The following DEPDC1 variants were observed in gnomAD, a reference collection of about 807,000 sequenced individuals.
DEPDC1 encodes DEP domain-containing protein 1A.
In DEPDC1, 66 loss-of-function variants were observed where a neutral mutation model predicts 86.8. That is an observed-to-expected ratio of 0.76 (90% CI 0.62 to 0.93). DEPDC1 has a LOEUF of 0.93. Among genes scored for constraint, DEPDC1 ranks in the 40% least tolerant of loss-of-function variants. The pLI is 0.00. For missense variants in DEPDC1, 792 were observed against 935.7 expected, an observed-to-expected ratio of 0.85 and a Z score of 2.00; for synonymous variants, 255 against 314.9, an observed-to-expected ratio of 0.81 and a Z score of 2.02.
intron 11 of DEPDC1, 134 bp from the exon 12 acceptor site, chr1:68,477,203 T>A: frequency 3.1e-6 from 2 of 636,158 alleles, no homozygotes; most frequent in Non-Finnish European, 5.0e-6. Flanking sequence ...CATTTTATCC[T>A]TGCCTTTCCC....
Position 68,476,563 on chromosome 1 carries a change from A to G in DEPDC1, c.*369T>C, listed in dbSNP as rs1178341610. ...CCCCAAACAACTAATTCATTAGCTA[A>G]TATCTCAGAACTTGCACATTTGCAG... On this transcript the variant is annotated 3_prime_UTR_variant, in exon 12 of 12. Transcript: ENST00000456315. The G allele has an allele frequency of 6.4e-6, 1 of 156,994 alleles. No individual in the cohort carries two copies. The allele number at this position is 156,994 out of a possible 1,614,324, so 9.7% of individuals were successfully genotyped here. A position where few individuals can be genotyped will look rare whatever the true frequency, so the allele number is the denominator to read the frequency against.
At chr1:68,495,983 T>C (rs1321805735) in intron 1 of DEPDC1, among the ~76,000 whole-genome samples, 1 of 152,196 alleles carries the variant, frequency 6.6e-6, no homozygotes, top group Non-Finnish European at 1.5e-5. Context: ...CTATCCTTCA[T>C]ATTGGTAAAT....
chr1:68,495,055 T>TCA (rs1646256012), intron 1 of DEPDC1, among the ~76,000 whole-genome samples: 3 of 152,012 alleles, frequency 2.0e-5, no homozygotes, highest in Non-Finnish European at 4.4e-5. Flanking sequence ...GTCAGGAGAA[T>TCA]CACTTGAACC....
chr1:68,482,124 T>C lies in DEPDC1; in HGVS notation c.1684A>G (p.Lys562Glu), dbSNP rs1646160531. The change falls in exon 8 of 12, where the codon AAA (lysine) becomes GAA (glutamate). Residue 562 changes from lysine (K) to glutamate (E), a missense_variant. Coordinates refer to ENST00000456315, the MANE Select transcript of DEPDC1 (RefSeq NM_001114120.3). Reference protein sequence around the residue: ...ELGESSATINKRLCKSTIELS... With the variant: ...ELGESSATINERLCKSTIELS... ...TCTATTGTACTTTTGCAGAGTCTTT[T>C]ATTGATTGTGGCACTAGACTCTCCG... is the stretch of plus-strand genomic sequence containing the variant. 4 of 1,612,296 alleles carry C rather than the reference T, an allele frequency of 2.5e-6. No individual in the cohort carries two copies. The highest frequency in any genetic ancestry group is 3.4e-6 in the Non-Finnish European group (4 of 1,179,062).
chr1:68,475,834 A>T lies in DEPDC1; in HGVS notation c.*1098T>A. 6.6e-6 allele frequency: 1 copy of T among 151,914 alleles called. No individual in the cohort carries two copies. Among genetic ancestry groups the T allele is most frequent in the East Asian group, 1.9e-4 (1 of 5,188 alleles). 9.4% of individuals were successfully genotyped at this position (151,914 alleles called of 1,614,324 possible). A position where few individuals can be genotyped will look rare whatever the true frequency, so the allele number is the denominator to read the frequency against. On this transcript the variant is annotated 3_prime_UTR_variant, in exon 12 of 12. Transcript: ENST00000456315. ...ACTTATAAAAATGTTTATAAAAAGCATTTAGGCCATTGATTCTCACAGTTG... is the reference window on the plus strand; with the variant it reads ...ACTTATAAAAATGTTTATAAAAAGCTTTTAGGCCATTGATTCTCACAGTTG...
intron 2 of DEPDC1, among the ~76,000 whole-genome samples, chr1:68,493,246 A>G (rs1404686948): frequency 6.6e-6 from 1 of 152,226 alleles, no homozygotes; most frequent in East Asian, 1.9e-4. Context: ...TGTATGACAT[A>G]AATCATTTTT....
At chr1:68,490,426 C>T (rs1280491073) in intron 2 of DEPDC1, among the ~76,000 whole-genome samples, 1 of 152,132 alleles carries the variant, frequency 6.6e-6, no homozygotes, top group African/African-American at 2.4e-5. Flanking sequence ...CTGCAAAGTA[C>T]ATGAACTCAT....
chr1:68,497,031 G>T lies in DEPDC1; in HGVS notation c.-32C>A. The stretch of plus-strand genomic sequence containing the variant: ...GTCAGCGCCCGGTGGCGTCCATGGC[G>T]GCGAAGGCGACACTCAGGCCCAGCG... On this transcript the variant is annotated 5_prime_UTR_variant, in exon 1 of 12. Transcript: ENST00000456315. The T allele has an allele frequency of 6.2e-7, 1 of 1,609,984 alleles. No individual in the cohort carries two copies.
chr1:68,480,021 CAT>C (rs1467471664), intron 9 of DEPDC1, among the ~76,000 whole-genome samples: 1 of 151,902 alleles, frequency 6.6e-6, no homozygotes, highest in African/African-American at 2.4e-5. Context: ...GAATGTGTAA[CAT>C]ATAGAACACT....
Position 68,487,002 on chromosome 1 carries a change from T to C in DEPDC1, c.722-18A>G. On this transcript the variant is annotated intron_variant, in intron 5 of 11. Coordinates refer to ENST00000456315, the MANE Select transcript of DEPDC1 (RefSeq NM_001114120.3). Reference sequence around the variant, plus strand: ...GAGGTCATCTACACAAAAAGAAAAATATTACTAAGTAAACCATACATTTTT... The same window carrying C: ...GAGGTCATCTACACAAAAAGAAAAACATTACTAAGTAAACCATACATTTTT... 1 of 1,589,194 alleles carries C rather than the reference T, an allele frequency of 6.3e-7. No homozygotes were observed. The highest frequency in any genetic ancestry group is 1.8e-5 in the Admixed American group (1 of 54,142).
In DEPDC1 at chr1:68,475,907, C is replaced by A. The variant is rs1373799493; in HGVS notation, c.*1025G>T. The stretch of plus-strand genomic sequence containing the variant: ...ATTAAAAAAAATACTAATCCCTATA[C>A]AACATCCCCAAAATTCAGATTTAAT... On this transcript the variant is annotated 3_prime_UTR_variant, in exon 12 of 12. Coordinates refer to ENST00000456315, the MANE Select transcript of DEPDC1 (RefSeq NM_001114120.3). 6.6e-6 allele frequency: 1 copy of A among 151,882 alleles called. No individual in the cohort carries two copies. The highest frequency in any genetic ancestry group is 6.6e-5 in the Admixed American group (1 of 15,216). 9.4% of individuals were successfully genotyped at this position (151,882 alleles called of 1,614,324 possible). A position where few individuals can be genotyped will look rare whatever the true frequency, so the allele number is the denominator to read the frequency against.
At chr1:68,480,196 C>G (rs188246342) in intron 9 of DEPDC1, among the ~76,000 whole-genome samples, 57 of 151,450 alleles carry the variant, frequency 3.8e-4, no homozygotes, top group African/African-American at 1.3e-3. Flanking sequence ...AAATTGATTA[C>G]TCTCACTTAT....
chr1:68,483,184 G>C, intron 7 of DEPDC1: 1 of 533,848 alleles, frequency 1.9e-6, no homozygotes, highest in African/African-American at 1.9e-5. Context: ...TAAAAAATCT[G>C]TTCTCAGTCT....
chr1:68,490,185 G>A (rs1646220259), intron 2 of DEPDC1, among the ~76,000 whole-genome samples: 1 of 152,078 alleles, frequency 6.6e-6, no homozygotes, highest in African/African-American at 2.4e-5. Flanking sequence ...GTAAACTTGT[G>A]TTGTGGAGGT....
chr1:68,485,082 T>C (rs544784013), intron 6 of DEPDC1, among the ~76,000 whole-genome samples: 10 of 151,874 alleles, frequency 6.6e-5, no homozygotes, highest in Middle Eastern at 3.4e-3. Flanking sequence ...GTCCAAATAA[T>C]ATTTCTTACT....
At chr1:68,488,682 T>A (rs905356127) in intron 4 of DEPDC1, among the ~76,000 whole-genome samples, 178 bp from the exon 5 acceptor site, 1 of 151,786 alleles carries the variant, frequency 6.6e-6, no homozygotes, top group Non-Finnish European at 1.5e-5. Context: ...TTCCAATATA[T>A]ATCCCAAACT....
chr1:68,494,294 T>G (rs1330151589), intron 2 of DEPDC1, 136 bp downstream of exon 2: 1 of 811,928 alleles, frequency 1.2e-6, no homozygotes, highest in Non-Finnish European at 1.8e-6. Context: ...ATGATTTTAG[T>G]TGAACTAACA....
intron 2 of DEPDC1, among the ~76,000 whole-genome samples, chr1:68,490,793 C>T (rs957737121): frequency 1.3e-5 from 2 of 151,980 alleles, no homozygotes; most frequent in Admixed American, 1.3e-4. Context: ...ATACTACAGG[C>T]CTGTAGTAAC....
Position 68,489,356 on chromosome 1 carries a change from G to C in DEPDC1, c.471+96C>G. The C allele has an allele frequency of 3.3e-6, 3 of 904,472 alleles. No homozygotes were observed. In the East Asian group the frequency reaches 9.5e-5, roughly 29 times the overall value. The allele number at this position is 904,472 out of a possible 1,614,324, so 56.0% of individuals were successfully genotyped here. ...TGTAGGTTAGGAGGTTTCAGTTCTG[G>C]CTTTAAATATTAAAGAATAATTTAC... On this transcript the variant is annotated intron_variant, in intron 3 of 11. Coordinates refer to ENST00000456315, the MANE Select transcript of DEPDC1 (RefSeq NM_001114120.3).
Sources: allele counts gnomAD v4.1 joint callset (sites outside exome capture counted in the v4.1 genomes callset), GRCh38; gene constraint gnomAD v4.1.1; transcripts MANE v1.5; gene names NCBI Gene and HGNC (gene_info 2026-07-23, HGNC 2026-07-21).